The following GNAL variants were observed in gnomAD, a reference collection of about 807,000 sequenced individuals.
GNAL encodes the protein G protein subunit alpha L.
Under a neutral mutation model 55.1 loss-of-function variants are expected in GNAL, and 18 were observed. The observed-to-expected ratio is 0.33, with a 90% CI of 0.23 to 0.48. The LOEUF is 0.48. Ranked by LOEUF, GNAL falls within the 20% of genes least tolerant of loss-of-function variation. The pLI is 0.99. For synonymous variants in GNAL, 253 were observed against 237.0 expected (o/e 1.07, Z -0.62); for missense variants, 412 against 614.1 (o/e 0.67, Z 3.48).
intron 4 of GNAL, among the ~76,000 whole-genome samples, chr18:11,817,869 G>T (rs1052544238): frequency 6.6e-6 from 1 of 151,924 alleles, no homozygotes; most frequent in Admixed American, 6.6e-5. Context: ...TATTACAGGC[G>T]TGAGCCACCG....
chr18:11,811,727 C>T (rs1479068026), intron 4 of GNAL, among the ~76,000 whole-genome samples: 4 of 152,240 alleles, frequency 2.6e-5, no homozygotes, highest in African/African-American at 9.6e-5. Flanking sequence ...TAAATTTAAC[C>T]TTGTTCCCCC....
rs2036218419 is a variant in GNAL, at chr18:11,864,565, G to A, written c.810G>A (p.Gly270=). ...DLLRCRVLTS[G]IFETRFQVDK... ...TCAGATGCAGAGTTCTGACATCTGG[G>A]ATTTTTGAGACACGATTCCAAGTGG... is the stretch of plus-strand genomic sequence containing the variant. The change falls in exon 7 of 12, where the codon GGG becomes GGA. Residue 270 remains glycine (G), a synonymous_variant. Transcript: ENST00000334049. The A allele has an allele frequency of 6.3e-7, 1 of 1,593,200 alleles. No individual in the cohort carries two copies. The highest frequency in any genetic ancestry group is 8.6e-7 in the Non-Finnish European group (1 of 1,161,038).
chr18:11,821,498 C>A (rs957948899), intron 4 of GNAL, among the ~76,000 whole-genome samples: 5 of 152,060 alleles, frequency 3.3e-5, no homozygotes, highest in African/African-American at 1.2e-4. Context: ...ACAGTACCCT[C>A]GACAAAATAA....
chr18:11,763,791 T>C (rs2033319252), intron 4 of GNAL, among the ~76,000 whole-genome samples: 1 of 152,232 alleles, frequency 6.6e-6, no homozygotes, highest in Admixed American at 6.5e-5. Flanking sequence ...AGTAATCTAA[T>C]CCAGGATCAG....
intron 1 of GNAL, among the ~76,000 whole-genome samples, chr18:11,699,639 T>C (rs896328351): frequency 1.3e-5 from 2 of 152,022 alleles, no homozygotes; most frequent in Non-Finnish European, 2.9e-5. Flanking sequence ...AAGCAGTGAC[T>C]CTTAAGTGTG....
chr18:11,801,197 T>C (rs1222333098), intron 4 of GNAL, among the ~76,000 whole-genome samples: 4 of 152,202 alleles, frequency 2.6e-5, no homozygotes, highest in Non-Finnish European at 5.9e-5. Context: ...ATATCTGCCC[T>C]GGGGGAGCTT....
Position 11,885,096 on chromosome 18 carries a change from T to C in GNAL, c.*3961T>C. 2.4e-6 allele frequency: 3 copies of C among 1,230,312 alleles called. No homozygotes were observed. The highest frequency in any genetic ancestry group is 3.2e-6 in the Non-Finnish European group (3 of 950,284). The allele number at this position is 1,230,312 out of a possible 1,614,324, so 76.2% of individuals were successfully genotyped here. The stretch of plus-strand genomic sequence containing the variant: ...CCATGGGCTTTTCTTTGCAGATACT[T>C]TTATGTGGAACAACAGTGGCAAATG... On this transcript the variant is annotated 3_prime_UTR_variant, in exon 12 of 12. Coordinates refer to ENST00000334049, the MANE Select transcript of GNAL (RefSeq NM_182978.4).
At chr18:11,755,642 C>A (rs2033029799) in intron 4 of GNAL, among the ~76,000 whole-genome samples, 1 of 152,136 alleles carries the variant, frequency 6.6e-6, no homozygotes, top group Non-Finnish European at 1.5e-5. Context: ...GATAAGCATG[C>A]CAGTGTAGAG....
At chr18:11,788,595 G>C (rs1477482) in intron 4 of GNAL, among the ~76,000 whole-genome samples, 37,903 of 151,708 alleles carry the variant, frequency 0.25, 5,582 homozygotes, top group African/African-American at 0.41. Flanking sequence ...GTGTTGGCCG[G>C]GCATGGTGGC....
At chr18:11,867,814 CA>C (rs199731603) in intron 8 of GNAL, among the ~76,000 whole-genome samples, 1 of 146,468 alleles carries the variant, frequency 6.8e-6, no homozygotes, top group African/African-American at 2.5e-5. Context: ...GAGACTCTGT[CA>C]AAAAAAAATA....
chr18:11,743,765 G>T (rs866889112), intron 1 of GNAL, among the ~76,000 whole-genome samples: 1 of 152,212 alleles, frequency 6.6e-6, no homozygotes, highest in African/African-American at 2.4e-5. Context: ...AACAGATGGG[G>T]TTGCTGATTT....
rs1311367583 is a variant in GNAL, at chr18:11,883,084, A to G, written c.*1949A>G. 6.6e-6 allele frequency: 1 copy of G among 152,218 alleles called. No homozygotes were observed. The highest frequency in any genetic ancestry group is 1.5e-5 in the Non-Finnish European group (1 of 68,052). The allele number at this position is 152,218 out of a possible 1,614,324, so 9.4% of individuals were successfully genotyped here. ...TTTAGTCTTTAGTCTTTAATATTTT[A>G]AAGTTTACTCTATAAATCAGCATTT... On this transcript the variant is annotated 3_prime_UTR_variant, in exon 12 of 12. Coordinates refer to ENST00000334049, the MANE Select transcript of GNAL (RefSeq NM_182978.4).
chr18:11,790,726 G>T (rs1206870553), intron 4 of GNAL, among the ~76,000 whole-genome samples: 9 of 131,648 alleles, frequency 6.8e-5, no homozygotes, highest in Non-Finnish European at 1.1e-4. Context: ...GCACGATCTC[G>T]TCTCACTGCA....
At chr18:11,846,034 C>G (rs1192624237) in intron 5 of GNAL, among the ~76,000 whole-genome samples, 1 of 151,824 alleles carries the variant, frequency 6.6e-6, no homozygotes, top group Non-Finnish European at 1.5e-5. Context: ...GGATTATTAC[C>G]CACTGTTAGA....
chr18:11,731,883 T>A (rs142030481), intron 1 of GNAL, among the ~76,000 whole-genome samples: 38 of 152,326 alleles, frequency 2.5e-4, no homozygotes, highest in African/African-American at 8.7e-4. Context: ...CAACCATTAG[T>A]CTATTTTCTC....
Position 11,868,055 on chromosome 18 carries a change from G to A in GNAL, c.911-488G>A, listed in dbSNP as rs932638623. On this transcript the variant is annotated intron_variant, in intron 8 of 11. Coordinates refer to ENST00000334049, the MANE Select transcript of GNAL (RefSeq NM_182978.4). This position sits in a 1 kb window ranked among gnomAD's most constrained non-coding sequence, Gnocchi z 4.0. ...CAGGAGAATCACCTGAACCCGGGAG[G>A]CAGAGGTTGCAGTGAGCCAAGATTG... Among the ~76,000 whole-genome samples, 4 of 152,154 alleles carry A rather than the reference G, an allele frequency of 2.6e-5. No individual in the cohort carries two copies. In the East Asian group the frequency reaches 7.7e-4, roughly 29 times the overall value.
intron 8 of GNAL, among the ~76,000 whole-genome samples, 181 bp downstream of exon 8, chr18:11,867,407 G>A (rs1598440188): frequency 6.6e-6 from 1 of 152,074 alleles, no homozygotes; most frequent in Non-Finnish European, 1.5e-5. Flanking sequence ...GGCCTGACAC[G>A]GTGGCTCACG....
In GNAL at chr18:11,689,673, C is replaced by CCCTGGA. The variant is rs2143266274; in HGVS notation, c.115_116insACCTGG (p.Leu38_Ala39insAspLeu). 6.9e-7 allele frequency: 1 copy of CCCTGGA among 1,452,286 alleles called. No homozygotes were observed. Among genetic ancestry groups the CCCTGGA allele is most frequent in the Non-Finnish European group, 9.0e-7 (1 of 1,111,184 alleles). 90.0% of individuals were successfully genotyped at this position (1,452,286 alleles called of 1,614,324 possible). The stretch of plus-strand genomic sequence containing the variant: ...GACGCGCAGCCCGCCCCGGCCCCGG[C>CCCTGGA]CCTGGCCCCAGTCCGGGCGGCCGCA... On this transcript the variant is annotated inframe_insertion, in exon 1 of 12. Coordinates refer to ENST00000334049, the MANE Select transcript of GNAL (RefSeq NM_182978.4).
At chr18:11,866,790 C>T (rs2036272550) in intron 7 of GNAL, among the ~76,000 whole-genome samples, 1 of 150,154 alleles carries the variant, frequency 6.7e-6, no homozygotes, top group South Asian at 2.1e-4. Flanking sequence ...AAGGATCTGC[C>T]CTGGGCAGTG....
Sources: allele counts gnomAD v4.1 joint callset (sites outside exome capture counted in the v4.1 genomes callset), GRCh38; gene constraint gnomAD v4.1.1; non-coding constraint Gnocchi (gnomAD v3.1); transcripts MANE v1.5; gene names NCBI Gene and HGNC (gene_info 2026-07-23, HGNC 2026-07-21).